Variants in PDGFD observed in about 807,000 individuals in gnomAD.
PDGFD encodes platelet derived growth factor D.
A neutral mutation model predicts 44.7 loss-of-function variants in PDGFD; 30 were observed. The observed-to-expected ratio is 0.67, with a 90% CI of 0.50 to 0.91. The LOEUF is 0.91. Among genes scored for constraint, PDGFD ranks in the 40% least tolerant of loss-of-function variants. PDGFD has a pLI of 0.00. For synonymous variants in PDGFD, 173 were observed against 168.4 expected (o/e 1.03, Z -0.21); for missense variants, 445 against 457.8 (o/e 0.97, Z 0.25).
At chr11:104,083,049 C>T (rs998969442) in intron 1 of PDGFD, among the ~76,000 whole-genome samples, 1 of 152,200 alleles carries the variant, frequency 6.6e-6, no homozygotes, top group Non-Finnish European at 1.5e-5. Flanking sequence ...TTTTGTTAGT[C>T]ATGACCCCAT....
chr11:103,933,350 C>T (rs2134315368), intron 5 of PDGFD, among the ~76,000 whole-genome samples: 1 of 152,214 alleles, frequency 6.6e-6, no homozygotes, highest in South Asian at 2.1e-4. Flanking sequence ...TATAAATCAG[C>T]ACATAATTAT....
chr11:104,121,195 T>A (rs937688079), intron 1 of PDGFD, among the ~76,000 whole-genome samples: 1 of 152,060 alleles, frequency 6.6e-6, no homozygotes, highest in African/African-American at 2.4e-5. Context: ...GAAAGTTTAA[T>A]TTGATTATCA....
intron 1 of PDGFD, chr11:104,037,857 G>C: frequency 6.2e-7 from 1 of 1,614,146 alleles, no homozygotes; most frequent in Non-Finnish European, 8.5e-7. Flanking sequence ...TCGATTTGAA[G>C]AAAAATGTGC....
intron 5 of PDGFD, among the ~76,000 whole-genome samples, chr11:103,930,332 T>C (rs560920407): frequency 1.3e-5 from 2 of 152,240 alleles, no homozygotes; most frequent in South Asian, 4.2e-4. Flanking sequence ...TGCTGGGATC[T>C]GAGCTCTAGA....
chr11:104,087,342 G>A (rs974903716), intron 1 of PDGFD, among the ~76,000 whole-genome samples: 1 of 151,898 alleles, frequency 6.6e-6, no homozygotes, highest in Admixed American at 6.6e-5. Flanking sequence ...CCGAGTAGCT[G>A]GGATTACAGG....
At chr11:103,918,635 G>A (rs1030301140) in intron 6 of PDGFD, among the ~76,000 whole-genome samples, 3 of 152,028 alleles carry the variant, frequency 2.0e-5, no homozygotes, top group South Asian at 4.2e-4. Context: ...ACGTGAGCAC[G>A]GTATATATGT....
chr11:104,072,189 G>C (rs1268187900), intron 1 of PDGFD, among the ~76,000 whole-genome samples: 1 of 151,848 alleles, frequency 6.6e-6, no homozygotes, highest in Non-Finnish European at 1.5e-5. Context: ...AATTAATTTA[G>C]TGTGAACTGA....
Position 104,087,965 on chromosome 11 carries a change from C to T in PDGFD, c.124+75839G>A, listed in dbSNP as rs1252543530. On this transcript the variant is annotated intron_variant, in intron 1 of 6. Coordinates refer to ENST00000393158, the MANE Select transcript of PDGFD (RefSeq NM_025208.5). ...TCCCTAAATAAGCCATGACCTTTCA[C>T]ACCTTGCACTTGATCAGTGAAATCA... Among the ~76,000 whole-genome samples the T allele has an allele frequency of 2.6e-5, 4 of 152,226 alleles. No homozygotes were observed. In the East Asian group the frequency reaches 7.7e-4, roughly 29 times the overall value.
At chr11:103,937,852 C>T (rs1858517105) in intron 5 of PDGFD, among the ~76,000 whole-genome samples, 1 of 151,714 alleles carries the variant, frequency 6.6e-6, no homozygotes, top group African/African-American at 2.4e-5. Flanking sequence ...TGGTTTCCAG[C>T]TTCATCCATG....
At chr11:103,956,642 C>T (rs1168979217) in intron 3 of PDGFD, among the ~76,000 whole-genome samples, 1 of 152,014 alleles carries the variant, frequency 6.6e-6, no homozygotes, top group African/African-American at 2.4e-5. Flanking sequence ...GCCACACTGA[C>T]TTCCACAATG....
At chr11:104,010,864 C>T (rs1859774477) in intron 1 of PDGFD, among the ~76,000 whole-genome samples, 1 of 151,874 alleles carries the variant, frequency 6.6e-6, no homozygotes, top group African/African-American at 2.4e-5. Context: ...ATCTAAGGCT[C>T]CTGAATAGAG....
intron 1 of PDGFD, among the ~76,000 whole-genome samples, chr11:104,034,353 T>C (rs1860182604): frequency 6.6e-6 from 1 of 152,066 alleles, no homozygotes; most frequent in Non-Finnish European, 1.5e-5. Flanking sequence ...TCAACATTTC[T>C]AATATAAGCA....
chr11:103,922,074 A>T (rs1301241857), intron 6 of PDGFD, among the ~76,000 whole-genome samples: 1 of 151,886 alleles, frequency 6.6e-6, no homozygotes, highest in African/African-American at 2.4e-5. Context: ...GAACAGAGGA[A>T]ATTAACATCT....
chr11:104,061,137 T>C (rs11604692), intron 1 of PDGFD, among the ~76,000 whole-genome samples: 45,400 of 152,122 alleles, frequency 0.3, 7,104 homozygotes, highest in Non-Finnish European at 0.35. Flanking sequence ...AGAACTTCAT[T>C]CCTTTTTACA....
intron 3 of PDGFD, among the ~76,000 whole-genome samples, chr11:103,963,552 G>T (rs1858971361): frequency 6.6e-6 from 1 of 152,118 alleles, no homozygotes; most frequent in Non-Finnish European, 1.5e-5. Context: ...CCCCAGCAAA[G>T]TATTGAGTGC....
chr11:104,024,680 A>G (rs1860015394), intron 1 of PDGFD, among the ~76,000 whole-genome samples: 1 of 152,196 alleles, frequency 6.6e-6, no homozygotes, highest in East Asian at 1.9e-4. Flanking sequence ...AGTCCACTCT[A>G]TGATGTTCAC....
chr11:104,141,627 T>G (rs975743877), intron 1 of PDGFD, among the ~76,000 whole-genome samples: 21 of 152,146 alleles, frequency 1.4e-4, no homozygotes, highest in Admixed American at 4.6e-4. Flanking sequence ...GTTCAAGGTC[T>G]TGTGAGGAAG....
intron 1 of PDGFD, among the ~76,000 whole-genome samples, chr11:104,120,265 T>C (rs1415433782): frequency 1.3e-5 from 2 of 151,792 alleles, no homozygotes; most frequent in Non-Finnish European, 2.9e-5. Context: ...GCAATTGGCA[T>C]CTATCTGGTT....
At chr11:104,149,060 T>C (rs1035486598) in intron 1 of PDGFD, among the ~76,000 whole-genome samples, 6 of 152,154 alleles carry the variant, frequency 3.9e-5, no homozygotes, top group African/African-American at 1.4e-4. Context: ...TGGACAATGA[T>C]GGTTTAAAGT....
Sources: allele counts gnomAD v4.1 joint callset (sites outside exome capture counted in the v4.1 genomes callset), GRCh38; gene constraint gnomAD v4.1.1; transcripts MANE v1.5; gene names NCBI Gene and HGNC (gene_info 2026-07-23, HGNC 2026-07-21).